The following GALNT10 variants were observed in gnomAD, a reference collection of about 807,000 sequenced individuals.
GALNT10 encodes the protein polypeptide N-acetylgalactosaminyltransferase 10, also known as GalNAc transferase 10.
Under a neutral mutation model 75.0 loss-of-function variants are expected in GALNT10, and 41 were observed. The observed-to-expected ratio is 0.55, with a 90% confidence interval of 0.43 to 0.71. The LOEUF (loss-of-function observed/expected upper bound fraction) is 0.71, where lower values mean the gene tolerates loss of function less well. Among genes scored for constraint, GALNT10 ranks in the 30% least tolerant of loss-of-function variants. GALNT10 has a pLI of 0.00. For synonymous variants in GALNT10, 302 were observed against 313.0 expected (o/e 0.96, Z 0.37); for missense variants, 727 against 818.5 (o/e 0.89, Z 1.36).
intron 1 of GALNT10, among the ~76,000 whole-genome samples, chr5:154,289,628 C>T (rs1232264445): frequency 1.3e-5 from 2 of 152,192 alleles, no homozygotes; most frequent in Non-Finnish European, 2.9e-5. Context: ...TAAAATGAGG[C>T]AGCTAGATTT....
chr5:154,259,602 CA>C (rs1381781078), intron 1 of GALNT10, among the ~76,000 whole-genome samples: 2 of 152,102 alleles, frequency 1.3e-5, no homozygotes, highest in African/African-American at 4.8e-5. Context: ...TTGAAATGGA[CA>C]TGAGACAGGG....
At chr5:154,326,941 T>C (rs1303324577) in intron 3 of GALNT10, among the ~76,000 whole-genome samples, 1 of 152,208 alleles carries the variant, frequency 6.6e-6, no homozygotes, top group Non-Finnish European at 1.5e-5. Flanking sequence ...TAGAGTTCAG[T>C]AAAACTCAGT....
chr5:154,277,916 A>G (rs1345332145), intron 1 of GALNT10, among the ~76,000 whole-genome samples: 3 of 152,198 alleles, frequency 2.0e-5, no homozygotes, highest in African/African-American at 7.2e-5. Context: ...AGGATCTCCA[A>G]TCTGTCCTGT....
chr5:154,258,121 T>C (rs1753644336), intron 1 of GALNT10, among the ~76,000 whole-genome samples: 1 of 152,142 alleles, frequency 6.6e-6, no homozygotes, highest in African/African-American at 2.4e-5. Context: ...GAGTGCAAAA[T>C]TCTTAGGGAT....
At chr5:154,364,896 C>A (rs1329705348) in intron 4 of GALNT10, among the ~76,000 whole-genome samples, 2 of 152,142 alleles carry the variant, frequency 1.3e-5, no homozygotes, top group East Asian at 3.9e-4. Flanking sequence ...CTGGTCTTCT[C>A]TTCTTATTTG....
At chr5:154,335,785 G>C (rs968711161) in intron 4 of GALNT10, among the ~76,000 whole-genome samples, 1 of 152,166 alleles carries the variant, frequency 6.6e-6, no homozygotes, top group Admixed American at 6.5e-5. Flanking sequence ...CCATACCATA[G>C]TGGTACATTT....
At chr5:154,378,699 G>A (rs114452287) in intron 5 of GALNT10, among the ~76,000 whole-genome samples, 1 of 152,190 alleles carries the variant, frequency 6.6e-6, no homozygotes, top group South Asian at 2.1e-4. Flanking sequence ...TCTTATCGAA[G>A]ATTATACTGC....
rs5872374 is a variant in GALNT10, at chr5:154,329,971, A to AAC, written c.568+234_568+235insCA. On this transcript the variant is annotated intron_variant, in intron 4 of 11. Coordinates refer to ENST00000297107, the MANE Select transcript of GALNT10 (RefSeq NM_198321.4). Reference sequence around the variant, plus strand: ...GAAATGTATTAACTGCAAAAAAAAAAAAAAAACAGAAAACTTGATAAACAA... The same window carrying AAC: ...GAAATGTATTAACTGCAAAAAAAAAAACAAAAAACAGAAAACTTGATAAACAA... 2,087 of 367,016 alleles carry AAC rather than the reference A, an allele frequency of 5.7e-3. 66 individuals carry two copies. The highest frequency in any genetic ancestry group is 0.04 in the African/African-American group (1,960 of 49,192). The allele number at this position is 367,016 out of a possible 1,614,324, so 22.7% of individuals were successfully genotyped here. A position where few individuals can be genotyped will look rare whatever the true frequency, so the allele number is the denominator to read the frequency against.
intron 1 of GALNT10, among the ~76,000 whole-genome samples, chr5:154,206,947 C>A (rs1000130388): frequency 1.3e-5 from 2 of 152,228 alleles, no homozygotes; most frequent in Non-Finnish European, 2.9e-5. Flanking sequence ...TGGAGAGATT[C>A]ATTCATCCAC....
intron 4 of GALNT10, among the ~76,000 whole-genome samples, chr5:154,347,442 C>T (rs1437033149): frequency 6.6e-6 from 1 of 151,768 alleles, no homozygotes; most frequent in Non-Finnish European, 1.5e-5. Context: ...TAGCCCACTG[C>T]AGCCTCAAAC....
chr5:154,286,565 G>A (rs1474589670), intron 1 of GALNT10, among the ~76,000 whole-genome samples: 1 of 151,978 alleles, frequency 6.6e-6, no homozygotes, highest in African/African-American at 2.4e-5. Context: ...ATCTTTTAAT[G>A]AGCTTTCATG....
chr5:154,259,087 A>C (rs1178887390), intron 1 of GALNT10, among the ~76,000 whole-genome samples: 1 of 152,188 alleles, frequency 6.6e-6, no homozygotes, highest in Non-Finnish European at 1.5e-5. Context: ...TTTTATTTGA[A>C]TATCAGCAGT....
At chr5:154,324,592 ATGGATGTGAATATTT>A (rs1335204293) in intron 3 of GALNT10, among the ~76,000 whole-genome samples, 4 of 152,202 alleles carry the variant, frequency 2.6e-5, no homozygotes, top group Non-Finnish European at 4.4e-5. Flanking sequence ...TCTACCAGTT[ATGGATGTGAATATTT>A]TGGGGTAATG....
chr5:154,343,136 C>T (rs922895335), intron 4 of GALNT10, among the ~76,000 whole-genome samples: 1 of 151,952 alleles, frequency 6.6e-6, no homozygotes, highest in Non-Finnish European at 1.5e-5. Flanking sequence ...GGTCCTCAGT[C>T]TCGGTGGAGT....
At chr5:154,364,224 C>T (rs529593997) in intron 4 of GALNT10, among the ~76,000 whole-genome samples, 20 of 152,210 alleles carry the variant, frequency 1.3e-4, no homozygotes, top group African/African-American at 4.8e-4. Context: ...AGAGAATGCA[C>T]CAGGGGCAGG....
At chr5:154,341,202 TG>T (rs1409731493) in intron 4 of GALNT10, among the ~76,000 whole-genome samples, 1 of 152,220 alleles carries the variant, frequency 6.6e-6, no homozygotes, top group Non-Finnish European at 1.5e-5. Flanking sequence ...TTCCAGCCTT[TG>T]GGGATCCTCA....
At chr5:154,401,925 A>G (rs1756175026) in intron 7 of GALNT10, among the ~76,000 whole-genome samples, 1 of 152,102 alleles carries the variant, frequency 6.6e-6, no homozygotes, top group African/African-American at 2.4e-5. Flanking sequence ...CCATTCCACA[A>G]ATGAGAGACT....
chr5:154,403,979 T>C, intron 7 of GALNT10, 125 bp from the exon 8 acceptor site: 1 of 779,528 alleles, frequency 1.3e-6, no homozygotes, highest in Non-Finnish European at 2.3e-6. Flanking sequence ...ATTAGGTCTG[T>C]GATCCAGGCT....
chr5:154,240,379 C>A, intron 1 of GALNT10, among the ~76,000 whole-genome samples: 1 of 152,272 alleles, frequency 6.6e-6, no homozygotes, highest in East Asian at 1.9e-4. Flanking sequence ...ATATAGTAGA[C>A]CCAATACACA....
Sources: gnomAD v4.1 joint callset for allele counts (sites outside exome capture counted in the v4.1 genomes callset) on GRCh38, gnomAD v4.1.1 for gene constraint, MANE v1.5 for transcripts, NCBI Gene and HGNC (gene_info 2026-07-23, HGNC 2026-07-21) for gene names.